TADA2A: variants seen among roughly 807,000 people sequenced by gnomAD.
TADA2A encodes transcriptional adapter 2-alpha.
TADA2A carries 38 observed loss-of-function variants against 67.4 expected under a neutral mutation model. The ratio of observed to expected loss-of-function variants is 0.56; its 90% CI spans 0.44 to 0.74. The LOEUF (loss-of-function observed/expected upper bound fraction) is 0.74. Among genes scored for constraint, TADA2A ranks in the 30% least tolerant of loss-of-function variants. TADA2A has a pLI of 0.00. For synonymous variants in TADA2A, 192 were observed against 181.6 expected, an observed-to-expected ratio of 1.06 and a Z score of -0.46; for missense variants, 454 against 547.0, an observed-to-expected ratio of 0.83 and a Z score of 1.70.
intron 4 of TADA2A, among the ~76,000 whole-genome samples, chr17:37,429,194 C>T (rs142423577): frequency 1.1e-3 from 168 of 152,172 alleles, no homozygotes; most frequent in African/African-American, 3.9e-3. Flanking sequence ...CAACCCTCAA[C>T]CTCCTAAAGT....
rs771405005 is a variant in TADA2A, at chr17:37,474,521, A to G, written c.1073-35A>G. On this transcript the variant is annotated intron_variant, in intron 14 of 15. Transcript: ENST00000615182. ...TTACACCTGAGAAATTGTCACTCCT[A>G]TTAAATCTATGCTGTTTCCTTTCTC... 3.7e-6 allele frequency: 6 copies of G among 1,603,366 alleles called. No homozygotes were observed. In the Admixed American group the frequency reaches 1.0e-4, roughly 27 times the overall value.
At chr17:37,445,045 A>C in intron 8 of TADA2A, among the ~76,000 whole-genome samples, 1 of 152,184 alleles carries the variant, frequency 6.6e-6, no homozygotes, top group Non-Finnish European at 1.5e-5. Context: ...ACACTAAGGT[A>C]ATTGGTTAAA....
chr17:37,439,809 T>C (rs989298106), intron 5 of TADA2A, among the ~76,000 whole-genome samples: 1 of 152,086 alleles, frequency 6.6e-6, no homozygotes, highest in African/African-American at 2.4e-5. Flanking sequence ...ACTATATTTC[T>C]GTATATTTTG....
intron 8 of TADA2A, among the ~76,000 whole-genome samples, chr17:37,453,053 C>G (rs2053276566): frequency 6.6e-6 from 1 of 152,144 alleles, no homozygotes; most frequent in Non-Finnish European, 1.5e-5. Flanking sequence ...TAAAGTACTC[C>G]TGGACATCTC....
At chr17:37,409,816 G>T (rs1038241094) in intron 1 of TADA2A, among the ~76,000 whole-genome samples, 3 of 151,984 alleles carry the variant, frequency 2.0e-5, no homozygotes, top group Admixed American at 6.6e-5. Flanking sequence ...ACAGAAGAAG[G>T]ATTATTTTTT....
intron 3 of TADA2A, among the ~76,000 whole-genome samples, chr17:37,425,168 C>G (rs1006989545): frequency 1.2e-4 from 18 of 152,184 alleles, no homozygotes; most frequent in Non-Finnish European, 1.8e-4. Context: ...GCGTGAGCTA[C>G]CACGCCCGGC....
intron 2 of TADA2A, among the ~76,000 whole-genome samples, chr17:37,419,355 G>T (rs1428651030): frequency 4.2e-5 from 6 of 143,774 alleles, no homozygotes; most frequent in African/African-American, 1.5e-4. Flanking sequence ...GTTTTTTTTT[G>T]TAGAGACATG....
chr17:37,410,170 C>A (rs1200228724), intron 1 of TADA2A, among the ~76,000 whole-genome samples: 3 of 151,576 alleles, frequency 2.0e-5, no homozygotes, highest in Non-Finnish European at 4.4e-5. Context: ...CCAGCCTGGG[C>A]AACAGAGCCA....
chr17:37,471,252 A>ACTT, intron 14 of TADA2A, 115 bp downstream of exon 14: 2 of 1,043,276 alleles, frequency 1.9e-6, no homozygotes, highest in Non-Finnish European at 2.9e-6. Flanking sequence ...GCAGAGTAAC[A>ACTT]GTAATCAAGT....
intron 10 of TADA2A, 46 bp from the exon 11 acceptor site, chr17:37,465,385 A>G: frequency 6.9e-7 from 1 of 1,443,966 alleles, no homozygotes. Context: ...AAACTCAGGG[A>G]TCCTTACATT....
chr17:37,416,120 A>ATT (rs34824290), intron 2 of TADA2A, among the ~76,000 whole-genome samples: 2 of 139,088 alleles, frequency 1.4e-5, no homozygotes, highest in African/African-American at 2.7e-5. Context: ...CTCCCTCTCA[A>ATT]TTTTTTTTTT....
At chr17:37,463,449 A>G (rs573004147) in intron 10 of TADA2A, among the ~76,000 whole-genome samples, 17 of 152,054 alleles carry the variant, frequency 1.1e-4, no homozygotes, top group African/African-American at 3.6e-4. Context: ...TTTAGTGTAA[A>G]TAAATATCTA....
At chr17:37,412,790 A>G (rs2147898470) in intron 2 of TADA2A, among the ~76,000 whole-genome samples, 1 of 150,520 alleles carries the variant, frequency 6.6e-6, no homozygotes, top group East Asian at 1.9e-4. Flanking sequence ...TCTCAAAAAA[A>G]AAAAAATTAT....
In TADA2A at chr17:37,440,664, T is replaced by C. The variant is rs1190577578; in HGVS notation, c.442+2T>C. On this transcript the variant is annotated splice_donor_variant, in intron 6 of 15. Transcript: ENST00000615182. LOFTEE classifies it high-confidence loss of function. ...CTGACACAGCCATTCCATTTCACTG[T>C]AAGTGCCTCCCTATCTTGATAAGAT... is the stretch of plus-strand genomic sequence containing the variant. 2.5e-6 allele frequency: 4 copies of C among 1,614,170 alleles called. No homozygotes were observed. The highest frequency in any genetic ancestry group is 3.4e-6 in the Non-Finnish European group (4 of 1,180,016).
At chr17:37,459,936 C>T (rs2053505482) in intron 9 of TADA2A, among the ~76,000 whole-genome samples, 1 of 151,362 alleles carries the variant, frequency 6.6e-6, no homozygotes, top group Admixed American at 6.6e-5. Context: ...GGTGGTGGTG[C>T]ATGCCTGTAG....
chr17:37,459,400 A>C (rs770096444), intron 9 of TADA2A, among the ~76,000 whole-genome samples: 16 of 151,504 alleles, frequency 1.1e-4, no homozygotes, highest in Non-Finnish European at 1.9e-4. Flanking sequence ...CTCCAGCCTC[A>C]GCCTCCCAAG....
intron 3 of TADA2A, 133 bp downstream of exon 3, chr17:37,423,748 C>A (rs1289988654): frequency 1.6e-6 from 1 of 635,874 alleles, no homozygotes; most frequent in Non-Finnish European, 2.4e-6. Context: ...TTTTCTTTTT[C>A]TTTCTTTTTT....
chr17:37,436,188 T>A (rs7208085), intron 4 of TADA2A, among the ~76,000 whole-genome samples: 36,296 of 151,936 alleles, frequency 0.24, 4,411 homozygotes, highest in Middle Eastern at 0.36. Flanking sequence ...TAAAGAAACA[T>A]TTTAAGATTT....
chr17:37,408,227 CTG>C (rs1007452503), intron 1 of TADA2A: 3 of 152,570 alleles, frequency 2.0e-5, no homozygotes, highest in East Asian at 1.9e-4. Context: ...TCCCTATTGA[CTG>C]TGCATCCTTT....
Sources: gnomAD v4.1 joint callset for allele counts (sites outside exome capture counted in the v4.1 genomes callset) on GRCh38, gnomAD v4.1.1 for gene constraint, MANE v1.5 for transcripts, NCBI Gene and HGNC (gene_info 2026-07-23, HGNC 2026-07-21) for gene names.